PARD3B: variants seen among roughly 807,000 people sequenced by gnomAD.
The protein encoded by PARD3B is partitioning defective 3 homolog B.
PARD3B carries 103 observed loss-of-function variants against 130.2 expected under a neutral mutation model. The observed-to-expected ratio is 0.79, with a 90% CI of 0.67 to 0.93. The LOEUF (loss-of-function observed/expected upper bound fraction) is 0.93. PARD3B is among the 40% of genes least tolerant of loss of function. The pLI, the probability that PARD3B is intolerant of heterozygous loss-of-function variation, is 0.00. For synonymous variants in PARD3B, 583 were observed against 553.2 expected, an observed-to-expected ratio of 1.05 and a Z score of -0.76; for missense variants, 1,609 against 1,499.2, an observed-to-expected ratio of 1.07 and a Z score of -1.21.
At chr2:205,551,351 CT>C (rs781416650) in intron 21 of PARD3B, among the ~76,000 whole-genome samples, 2,027 of 139,724 alleles carry the variant, frequency 0.015, 16 homozygotes, top group Middle Eastern at 0.022. Flanking sequence ...TCTTCCTTTT[CT>C]TTTTTTTTTT....
intron 20 of PARD3B, among the ~76,000 whole-genome samples, chr2:205,448,244 C>T (rs1246135305): frequency 6.6e-6 from 1 of 152,192 alleles, no homozygotes; most frequent in Non-Finnish European, 1.5e-5. Flanking sequence ...TTGGGCATGG[C>T]ATGCAGAACT....
At chr2:205,211,881 G>C (rs2037655679) in intron 15 of PARD3B, among the ~76,000 whole-genome samples, 1 of 152,002 alleles carries the variant, frequency 6.6e-6, no homozygotes, top group African/African-American at 2.4e-5. Context: ...AGCCTGAAAA[G>C]GTTTCAGCTT....
chr2:205,020,088 T>C (rs1696482090), intron 3 of PARD3B, among the ~76,000 whole-genome samples: 1 of 152,140 alleles, frequency 6.6e-6, no homozygotes, highest in African/African-American at 2.4e-5. Flanking sequence ...ATCCCAACCC[T>C]ACAGTCCACG....
At chr2:205,330,203 T>C (rs2043071940) in intron 18 of PARD3B, among the ~76,000 whole-genome samples, 1 of 151,516 alleles carries the variant, frequency 6.6e-6, no homozygotes, top group Non-Finnish European at 1.5e-5. Flanking sequence ...TAGCCGGGCA[T>C]GGTGGCATGT....
At chr2:205,273,543 G>A (rs2040823923) in intron 16 of PARD3B, among the ~76,000 whole-genome samples, 1 of 152,166 alleles carries the variant, frequency 6.6e-6, no homozygotes, top group South Asian at 2.1e-4. Context: ...CTACTTTGGA[G>A]CCAGACTTCT....
At chr2:205,411,748 A>G (rs1377942231) in intron 19 of PARD3B, among the ~76,000 whole-genome samples, 1 of 152,048 alleles carries the variant, frequency 6.6e-6, no homozygotes, top group Non-Finnish European at 1.5e-5. Context: ...ACTTCCATTC[A>G]AGAAGCTTCT....
intron 1 of PARD3B, among the ~76,000 whole-genome samples, chr2:204,667,958 G>A (rs1407928252): frequency 6.6e-6 from 1 of 152,164 alleles, no homozygotes; most frequent in East Asian, 1.9e-4. Flanking sequence ...TATAAAGAGA[G>A]TTAAAACATT....
chr2:205,548,712 G>A (rs1394766533), intron 21 of PARD3B, among the ~76,000 whole-genome samples: 1 of 152,078 alleles, frequency 6.6e-6, no homozygotes, highest in Non-Finnish European at 1.5e-5. Flanking sequence ...AGGGTTTGAT[G>A]GTGATTTTTT....
chr2:205,245,127 A>C (rs1477490479), intron 15 of PARD3B, among the ~76,000 whole-genome samples: 1 of 152,190 alleles, frequency 6.6e-6, no homozygotes, highest in Non-Finnish European at 1.5e-5. Flanking sequence ...AGCTGGGGCC[A>C]TCACTGTTCT....
chr2:205,216,231 T>C (rs1369673154), intron 15 of PARD3B, among the ~76,000 whole-genome samples: 3 of 152,158 alleles, frequency 2.0e-5, no homozygotes, highest in African/African-American at 7.2e-5. Flanking sequence ...TACCATAGGC[T>C]AGGCCATATA....
At chr2:205,608,509 G>GT (rs1285331055) in intron 22 of PARD3B, among the ~76,000 whole-genome samples, 5 of 152,166 alleles carry the variant, frequency 3.3e-5, no homozygotes, top group Non-Finnish European at 7.4e-5. Flanking sequence ...TTGCATGACT[G>GT]TTTTTTGTGG....
rs1044723843 is a variant in PARD3B at position 204,669,486 on chromosome 2, C to T, written c.121-16695C>T. The stretch of plus-strand genomic sequence containing the variant: ...TCTTATAACTTGCATAACAGTAACC[C>T]AACATGCTTTTGAGCTGTAAAAAGG... On this transcript the variant is annotated intron_variant, in intron 1 of 22. Coordinates refer to ENST00000406610, the MANE Select transcript of PARD3B (RefSeq NM_001302769.2). The surrounding 1 kb of genome is among the most constrained non-coding windows in gnomAD (Gnocchi z 4.3). 2.6e-5 allele frequency among the ~76,000 whole-genome samples: 4 copies of T among 152,020 alleles called. No homozygotes were observed. Among genetic ancestry groups the T allele is most frequent in the African/African-American group, 4.8e-5 (2 of 41,402 alleles).
chr2:205,495,970 G>A (rs2049909368), intron 20 of PARD3B, among the ~76,000 whole-genome samples: 1 of 152,102 alleles, frequency 6.6e-6, no homozygotes, highest in South Asian at 2.1e-4. Flanking sequence ...GCTTTCTGAG[G>A]TTCTAGGCTA....
chr2:205,039,943 T>C (rs1293809301), intron 3 of PARD3B, among the ~76,000 whole-genome samples: 1 of 152,076 alleles, frequency 6.6e-6, no homozygotes, highest in East Asian at 1.9e-4. Flanking sequence ...TTTTCTGGGC[T>C]TCAGTTCTTT....
intron 2 of PARD3B, among the ~76,000 whole-genome samples, chr2:204,820,006 TGCA>T (rs1428118552): frequency 6.6e-6 from 1 of 150,894 alleles, no homozygotes; most frequent in Non-Finnish European, 1.5e-5. Flanking sequence ...TTGCAGAAGC[TGCA>T]GCAAGTTGTC....
At chr2:205,569,841 A>C (rs1358921033) in intron 22 of PARD3B, among the ~76,000 whole-genome samples, 1 of 152,100 alleles carries the variant, frequency 6.6e-6, no homozygotes, top group East Asian at 1.9e-4. Context: ...TCTTCTTGCA[A>C]AATATATGCT....
At chr2:205,150,252 T>TGTGCGCGCGCGC (rs375301293) in intron 10 of PARD3B, among the ~76,000 whole-genome samples, 1 of 145,884 alleles carries the variant, frequency 6.9e-6, no homozygotes, top group African/African-American at 2.6e-5. Context: ...TGTGTGTGTG[T>TGTGCGCGCGCGC]GCACACACGC....
At chr2:204,791,315 T>C (rs1021047694) in intron 2 of PARD3B, among the ~76,000 whole-genome samples, 3 of 152,198 alleles carry the variant, frequency 2.0e-5, no homozygotes, top group African/African-American at 7.2e-5. Flanking sequence ...TAGAATTGTT[T>C]CATAATATCA....
chr2:204,661,974 T>A (rs1475353193), intron 1 of PARD3B, among the ~76,000 whole-genome samples: 1 of 152,202 alleles, frequency 6.6e-6, no homozygotes, highest in Non-Finnish European at 1.5e-5. Context: ...ATTTTGGGTA[T>A]TCTTCTCTAA....
Sources: allele counts gnomAD v4.1 joint callset (sites outside exome capture counted in the v4.1 genomes callset), GRCh38; gene constraint gnomAD v4.1.1; non-coding constraint Gnocchi (gnomAD v3.1); transcripts MANE v1.5; gene names NCBI Gene and HGNC (gene_info 2026-07-23, HGNC 2026-07-21).